Variants in ULK4 observed in about 807,000 individuals in gnomAD.
The protein encoded by ULK4 is inactive serine/threonine-protein kinase ULK4.
In ULK4, 133 loss-of-function variants were observed where a neutral mutation model predicts 160.6. That is an observed-to-expected ratio of 0.83 (90% CI 0.72 to 0.96). The LOEUF (loss-of-function observed/expected upper bound fraction) is 0.96, where lower values mean the gene tolerates loss of function less well. Ranked by LOEUF, ULK4 falls within the 40% of genes least tolerant of loss-of-function variation. The pLI, the probability that ULK4 is intolerant of heterozygous loss-of-function variation, is 0.00. For synonymous variants in ULK4, 534 were observed against 539.8 expected, an observed-to-expected ratio of 0.99 and a Z score of 0.15; for missense variants, 1,580 against 1,499.5, an observed-to-expected ratio of 1.05 and a Z score of -0.89.
chr3:41,376,333 T>C (rs1378834510), intron 35 of ULK4, among the ~76,000 whole-genome samples: 7 of 150,226 alleles, frequency 4.7e-5, no homozygotes, highest in Non-Finnish European at 7.4e-5. Flanking sequence ...CATATGTTTA[T>C]TGCAGCACTA....
intron 1 of ULK4, among the ~76,000 whole-genome samples, chr3:41,956,897 T>A (rs1425951373): frequency 6.6e-6 from 1 of 152,258 alleles, no homozygotes; most frequent in Non-Finnish European, 1.5e-5. Flanking sequence ...ATTTACTATT[T>A]GTCCCTTTAT....
intron 35 of ULK4, among the ~76,000 whole-genome samples, chr3:41,379,658 T>A (rs2081603115): frequency 6.6e-6 from 1 of 152,188 alleles, no homozygotes; most frequent in Admixed American, 6.6e-5. Flanking sequence ...CTAAATGTTC[T>A]AAGCAGAAAG....
At chr3:41,835,751 T>C (rs907774157) in intron 18 of ULK4, 113 bp downstream of exon 18, 40 of 646,902 alleles carry the variant, frequency 6.2e-5, no homozygotes, top group Non-Finnish European at 7.2e-5. Flanking sequence ...CCTAAGTTCC[T>C]CAGGCGTGCT....
At chr3:41,389,180 A>G (rs1303707902) in intron 35 of ULK4, among the ~76,000 whole-genome samples, 1 of 151,384 alleles carries the variant, frequency 6.6e-6, no homozygotes, top group East Asian at 1.9e-4. Context: ...TCTGTCTGTT[A>G]TTGGTGTATA....
chr3:41,906,908 G>C (rs1698586004), intron 12 of ULK4, among the ~76,000 whole-genome samples: 1 of 152,172 alleles, frequency 6.6e-6, no homozygotes, highest in South Asian at 2.1e-4. Flanking sequence ...CAGGAGAATT[G>C]CTTGAATCCG....
chr3:41,649,378 C>T (rs1559460950), intron 30 of ULK4, among the ~76,000 whole-genome samples: 1 of 152,100 alleles, frequency 6.6e-6, no homozygotes, highest in Non-Finnish European at 1.5e-5. Flanking sequence ...GGCAGGGTAC[C>T]TGTGCACCTA....
intron 31 of ULK4, among the ~76,000 whole-genome samples, chr3:41,578,121 A>T (rs2088260517): frequency 6.6e-6 from 1 of 152,250 alleles, no homozygotes; most frequent in Admixed American, 6.5e-5. Flanking sequence ...TTTTTGCAGC[A>T]GAAGGCTATC....
chr3:41,247,570 C>T (rs2078667269), intron 36 of ULK4, among the ~76,000 whole-genome samples: 1 of 148,250 alleles, frequency 6.7e-6, no homozygotes, highest in Non-Finnish European at 1.5e-5. Context: ...GTGGCACACT[C>T]TTGACTGCAC....
chr3:41,408,460 A>G (rs1478917441), intron 34 of ULK4, among the ~76,000 whole-genome samples: 2 of 150,216 alleles, frequency 1.3e-5, no homozygotes, highest in Admixed American at 6.6e-5. Context: ...AAAATTAAAG[A>G]GCGTCTACAT....
chr3:41,802,504 G>A (rs1471445473), intron 19 of ULK4, among the ~76,000 whole-genome samples: 1 of 151,998 alleles, frequency 6.6e-6, no homozygotes. Context: ...TCACTCTGTT[G>A]CCCAGGCTGA....
rs2082961233 is a variant in ULK4 at position 41,433,494 on chromosome 3, T to C, written c.3492+22003A>G. 2.0e-5 allele frequency among the ~76,000 whole-genome samples: 3 copies of C among 152,190 alleles called. No homozygotes were observed. The South Asian group carries it at 6.2e-4, about 31-fold the overall frequency. Reference sequence around the variant, plus strand: ...TCTAGAAATTTGTCCTATAATTATATAAGCACAAGTAAACATAGTATGTTG... The same window carrying C: ...TCTAGAAATTTGTCCTATAATTATACAAGCACAAGTAAACATAGTATGTTG... On this transcript the variant is annotated intron_variant, in intron 34 of 36. Transcript: ENST00000301831.
At chr3:41,484,666 A>C (rs890592427) in intron 32 of ULK4, among the ~76,000 whole-genome samples, 2 of 152,110 alleles carry the variant, frequency 1.3e-5, no homozygotes, top group Non-Finnish European at 1.5e-5. Flanking sequence ...GTTAGCCAGG[A>C]TGGTCTTGAT....
intron 32 of ULK4, among the ~76,000 whole-genome samples, chr3:41,545,400 T>C (rs530954607): frequency 1.3e-5 from 2 of 152,336 alleles, no homozygotes; most frequent in African/African-American, 4.8e-5. Flanking sequence ...TTTCTGGAGA[T>C]ATAAAAATAT....
Position 41,835,932 on chromosome 3 carries a change from T to C in ULK4, c.1696A>G (p.Arg566Gly), listed in dbSNP as rs762852548. 7.4e-6 allele frequency: 12 copies of C among 1,611,624 alleles called. No individual in the cohort carries two copies. The highest frequency in any genetic ancestry group is 1.7e-5 in the Admixed American group (1 of 59,834). The change falls in exon 18 of 37, where the codon AGG becomes GGG. Residue 566 changes from arginine (R) to glycine (G), a missense_variant. Physicochemically the swap from Arg to Gly is moderately radical, Grantham distance 125. Transcript: ENST00000301831. ...LLTELIRENF[R>G]NSKLKQCLLP... is the part of the protein sequence containing the mutation. The stretch of plus-strand genomic sequence containing the variant: ...AGGCACTGTTTTAATTTGCTGTTCC[T>C]GAAGTTTTCCCTAATTAATTCAGTT...
Position 41,773,836 on chromosome 3 carries a change from G to A in ULK4, c.2193+15825C>T, listed in dbSNP as rs1455884129. Among the ~76,000 whole-genome samples the A allele has an allele frequency of 9.2e-4, 139 of 151,772 alleles. 1 individual carries two copies. Among genetic ancestry groups the A allele is most frequent in the African/African-American group, 2.3e-3 (96 of 41,322 alleles). On this transcript the variant is annotated intron_variant, in intron 21 of 36. Coordinates refer to ENST00000301831, the MANE Select transcript of ULK4 (RefSeq NM_017886.4). ...ACTTCAAACTATACTACAAGGCTAC[G>A]GTAACCAAAACAGCATGGTACTGGT...
At chr3:41,340,757 G>A (rs1193419417) in intron 35 of ULK4, among the ~76,000 whole-genome samples, 5 of 152,266 alleles carry the variant, frequency 3.3e-5, no homozygotes, top group South Asian at 2.1e-4. Context: ...AGGTTCTTTC[G>A]TCTCTGATGT....
intron 5 of ULK4, among the ~76,000 whole-genome samples, chr3:41,924,452 TAGAG>T (rs915775118): frequency 2.6e-5 from 4 of 152,218 alleles, no homozygotes; most frequent in African/African-American, 9.6e-5. Context: ...TGCCCTGTCA[TAGAG>T]ACTGTTCTTA....
intron 31 of ULK4, among the ~76,000 whole-genome samples, chr3:41,566,967 G>T (rs533666030): frequency 1.5e-4 from 23 of 152,300 alleles, no homozygotes; most frequent in African/African-American, 5.3e-4. Context: ...TCAGGTTCCT[G>T]TAAGTACCCA....
In ULK4 at chr3:41,552,967, A is replaced by G. The variant is rs563982971; in HGVS notation, c.3226+13058T>C. On this transcript the variant is annotated intron_variant, in intron 32 of 36. Transcript: ENST00000301831. ...AAATTCATGTATTCACAGCCAACTGATTTTCAACAATGATGCCAAAAACAT... is the reference window on the plus strand; with the variant it reads ...AAATTCATGTATTCACAGCCAACTGGTTTTCAACAATGATGCCAAAAACAT... 4.6e-5 allele frequency among the ~76,000 whole-genome samples: 7 copies of G among 152,160 alleles called. No individual in the cohort carries two copies. The East Asian group carries it at 1.4e-3, about 29-fold the overall frequency.
Sources: gnomAD v4.1 joint callset for allele counts (sites outside exome capture counted in the v4.1 genomes callset) on GRCh38, gnomAD v4.1.1 for gene constraint, MANE v1.5 for transcripts, NCBI Gene and HGNC (gene_info 2026-07-23, HGNC 2026-07-21) for gene names.